Variants in ST8SIA1 observed in about 807,000 individuals in gnomAD.
ST8SIA1 encodes the protein ST8 alpha-N-acetyl-neuraminide alpha-2,8-sialyltransferase 1, also known as alpha-N-acetylneuraminide alpha-2,8-sialyltransferase.
Under a neutral mutation model 35.9 loss-of-function variants are expected in ST8SIA1, and 16 were observed. The ratio of observed to expected loss-of-function variants is 0.45; its 90% CI spans 0.30 to 0.68. The LOEUF (loss-of-function observed/expected upper bound fraction) is 0.68, where lower values mean the gene tolerates loss of function less well. Ranked by LOEUF, ST8SIA1 falls within the 30% of genes least tolerant of loss-of-function variation. The pLI, the probability that ST8SIA1 is intolerant of heterozygous loss-of-function variation, is 0.09. For synonymous variants in ST8SIA1, 170 were observed against 169.6 expected (o/e 1.00, Z -0.02); for missense variants, 383 against 453.6 (o/e 0.84, Z 1.41).
intron 4 of ST8SIA1, among the ~76,000 whole-genome samples, chr12:22,235,668 G>T (rs1865469014): frequency 6.6e-6 from 1 of 152,116 alleles, no homozygotes; most frequent in Admixed American, 6.6e-5. Flanking sequence ...AGTTAAGCTG[G>T]GGCACAAATG....
At chr12:22,268,428 A>AT (rs1865872258) in intron 2 of ST8SIA1, 1 of 152,262 alleles carries the variant, frequency 6.6e-6, no homozygotes, top group Non-Finnish European at 1.5e-5. Context: ...CACATGGCCA[A>AT]ATGTATTAGT....
intron 1 of ST8SIA1, among the ~76,000 whole-genome samples, chr12:22,313,812 A>G (rs1274244665): frequency 6.6e-6 from 1 of 152,202 alleles, no homozygotes; most frequent in Non-Finnish European, 1.5e-5. Flanking sequence ...ATATGGACTG[A>G]CCAATCAGTG....
intron 4 of ST8SIA1, among the ~76,000 whole-genome samples, chr12:22,202,981 C>T (rs529399566): frequency 1.3e-5 from 2 of 152,172 alleles, no homozygotes; most frequent in African/African-American, 2.4e-5. Flanking sequence ...AGGCATTCTT[C>T]GAAAAACGTC....
intron 2 of ST8SIA1, among the ~76,000 whole-genome samples, chr12:22,284,250 T>C (rs1866069677): frequency 6.6e-6 from 1 of 152,160 alleles, no homozygotes; most frequent in African/African-American, 2.4e-5. Flanking sequence ...GGGGCAAGTG[T>C]AAAGGTACAG....
At chr12:22,247,814 C>CAA (rs59632495) in intron 4 of ST8SIA1, among the ~76,000 whole-genome samples, 1,858 of 151,740 alleles carry the variant, frequency 0.012, 42 homozygotes, top group African/African-American at 0.043. Flanking sequence ...ATATTTGATA[C>CAA]AAAGACTTAA....
chr12:22,319,304 A>C (rs563483781), intron 1 of ST8SIA1, among the ~76,000 whole-genome samples: 301 of 152,332 alleles, frequency 2.0e-3, no homozygotes, highest in Non-Finnish European at 3.7e-3. Flanking sequence ...TAAAATCTGC[A>C]TTAAAGCATC....
chr12:22,273,520 T>G (rs1476978133), intron 2 of ST8SIA1, among the ~76,000 whole-genome samples: 8 of 152,144 alleles, frequency 5.3e-5, no homozygotes, highest in Non-Finnish European at 1.2e-4. Flanking sequence ...CTCTTCAAAT[T>G]TCTGTGTGCC....
chr12:22,229,054 CA>C (rs11463657), intron 4 of ST8SIA1, among the ~76,000 whole-genome samples: 4,331 of 101,856 alleles, frequency 0.043, 167 homozygotes, highest in South Asian at 0.19. Flanking sequence ...ACTCCATCTC[CA>C]AAAAAAAAAA....
At chr12:22,225,117 C>A (rs1011083444) in intron 4 of ST8SIA1, among the ~76,000 whole-genome samples, 18 of 152,160 alleles carry the variant, frequency 1.2e-4, no homozygotes, top group African/African-American at 3.4e-4. Flanking sequence ...TCCTCTAGAG[C>A]CCTGGAAACT....
intron 4 of ST8SIA1, among the ~76,000 whole-genome samples, chr12:22,209,585 C>G (rs1425687717): frequency 1.3e-5 from 2 of 152,172 alleles, no homozygotes; most frequent in Non-Finnish European, 2.9e-5. Flanking sequence ...TTTTGCATTT[C>G]AAATATGCAC....
intron 4 of ST8SIA1, among the ~76,000 whole-genome samples, chr12:22,228,509 G>A (rs906055307): frequency 2.6e-5 from 4 of 152,184 alleles, no homozygotes; most frequent in Non-Finnish European, 5.9e-5. Context: ...TACTAACCCA[G>A]ATACTTGCTA....
At chr12:22,274,523 T>A (rs535502810) in intron 2 of ST8SIA1, among the ~76,000 whole-genome samples, 2 of 152,316 alleles carry the variant, frequency 1.3e-5, no homozygotes, top group Admixed American at 1.3e-4. Context: ...GAATAATATA[T>A]GTCTTAAAAG....
At chr12:22,285,468 A>C (rs1026027732) in intron 2 of ST8SIA1, among the ~76,000 whole-genome samples, 6 of 152,198 alleles carry the variant, frequency 3.9e-5, no homozygotes, top group African/African-American at 1.4e-4. Context: ...TACCTTGCCT[A>C]AACCCTCACC....
At chr12:22,281,735 C>A (rs1866037404) in intron 2 of ST8SIA1, among the ~76,000 whole-genome samples, 1 of 146,824 alleles carries the variant, frequency 6.8e-6, no homozygotes, top group East Asian at 2.0e-4. Context: ...GCAATTTCAG[C>A]ATTTTAGGAG....
chr12:22,197,354 A>G lies in ST8SIA1; in HGVS notation c.*4198T>C, dbSNP rs777743633. ...CTGGTGCTGGTGGGAAAGTATTTAC[A>G]CAACACAATGAACATTTCCTAAAGT... On this transcript the variant is annotated 3_prime_UTR_variant, in exon 5 of 5. Coordinates refer to ENST00000396037, the MANE Select transcript of ST8SIA1 (RefSeq NM_003034.4). 2 of 152,200 alleles carry G rather than the reference A, an allele frequency of 1.3e-5. No homozygotes were observed. Among genetic ancestry groups the G allele is most frequent in the African/African-American group, 4.8e-5 (2 of 41,456 alleles). The allele number at this position is 152,200 out of a possible 1,614,324, so 9.4% of individuals were successfully genotyped here. A position where few individuals can be genotyped will look rare whatever the true frequency, so the allele number is the denominator to read the frequency against.
chr12:22,274,279 T>C (rs1267440740), intron 2 of ST8SIA1, among the ~76,000 whole-genome samples: 1 of 152,202 alleles, frequency 6.6e-6, no homozygotes, highest in Admixed American at 6.5e-5. Flanking sequence ...TGATCTGATT[T>C]GCATTTTAAA....
At chr12:22,298,375 T>A (rs1866273159) in intron 1 of ST8SIA1, among the ~76,000 whole-genome samples, 1 of 152,112 alleles carries the variant, frequency 6.6e-6, no homozygotes, top group Admixed American at 6.6e-5. Flanking sequence ...TAAACCCTCA[T>A]CCTGTGGGAT....
chr12:22,295,085 T>C (rs1028934943), intron 1 of ST8SIA1, among the ~76,000 whole-genome samples: 2 of 152,044 alleles, frequency 1.3e-5, no homozygotes, highest in African/African-American at 4.8e-5. Context: ...GGGGCAGAGG[T>C]AGGGGGGACA....
rs758727029 is a variant in ST8SIA1, at chr12:22,320,903, AAG to A, written c.236+13092_236+13093del. On this transcript the variant is annotated intron_variant, in intron 1 of 4. Transcript: ENST00000396037. Reference sequence around the variant, plus strand: ...AAGAGAAAGAAAGAAAGGAGAAGGAAAGAGAGAAGAAAGGAAAGAAAGGAAGA... The same window carrying A: ...AAGAGAAAGAAAGAAAGGAGAAGGAAAGAGAAGAAAGGAAAGAAAGGAAGA... Among the ~76,000 whole-genome samples the A allele has an allele frequency of 4.6e-4, 69 of 149,830 alleles. 1 individual carries two copies. Among genetic ancestry groups the A allele is most frequent in the Admixed American group, 1.2e-3 (18 of 14,934 alleles).
Sources: gnomAD v4.1 joint callset for allele counts (sites outside exome capture counted in the v4.1 genomes callset) on GRCh38, gnomAD v4.1.1 for gene constraint, MANE v1.5 for transcripts, NCBI Gene and HGNC (gene_info 2026-07-23, HGNC 2026-07-21) for gene names.